CYP7B1: variants seen among roughly 807,000 people sequenced by gnomAD.
CYP7B1 encodes the protein cytochrome P450 family 7 subfamily B member 1, also known as cytochrome P450 7B1.
A neutral mutation model predicts 42.7 loss-of-function variants in CYP7B1; 29 were observed. The observed-to-expected ratio is 0.68, with a 90% CI of 0.51 to 0.93. CYP7B1 has a LOEUF of 0.93. CYP7B1 is among the 40% of genes least tolerant of loss of function. The pLI is 0.00. For synonymous variants in CYP7B1, 235 were observed against 218.2 expected (o/e 1.08, Z -0.68); for missense variants, 655 against 600.5 (o/e 1.09, Z -0.95).
chr8:64,606,399 C>T (rs545479303), intron 4 of CYP7B1, among the ~76,000 whole-genome samples: 44 of 152,310 alleles, frequency 2.9e-4, no homozygotes, highest in Middle Eastern at 3.4e-3. Context: ...AGCACAGCAT[C>T]CTTTTAGCTT....
chr8:64,670,870 T>A (rs1413839662), intron 1 of CYP7B1, among the ~76,000 whole-genome samples: 1 of 152,018 alleles, frequency 6.6e-6, no homozygotes, highest in Non-Finnish European at 1.5e-5. Context: ...GAATTCCTAG[T>A]CTTTTTTTTT....
intron 1 of CYP7B1, among the ~76,000 whole-genome samples, chr8:64,660,888 A>G (rs1015305534): frequency 5.9e-5 from 9 of 152,220 alleles, no homozygotes; most frequent in African/African-American, 2.2e-4. Context: ...TTTAGTGAGC[A>G]ATACTCTAGA....
chr8:64,794,371 G>A (rs1193280334), intron 1 of CYP7B1, among the ~76,000 whole-genome samples: 2 of 152,222 alleles, frequency 1.3e-5, no homozygotes, highest in African/African-American at 2.4e-5. Flanking sequence ...TTTAGGGTTT[G>A]AATTTCATCT....
At chr8:64,778,197 A>ATATATATATATATATG in intron 1 of CYP7B1, among the ~76,000 whole-genome samples, 1 of 147,236 alleles carries the variant, frequency 6.8e-6, no homozygotes, top group Non-Finnish European at 1.5e-5. Flanking sequence ...ATATATATAT[A>ATATATATATATATATG]TATGTATACA....
intron 1 of CYP7B1, among the ~76,000 whole-genome samples, chr8:64,788,215 G>A (rs762780788): frequency 1.3e-5 from 2 of 152,216 alleles, no homozygotes; most frequent in Non-Finnish European, 2.9e-5. Flanking sequence ...CTTCTCAATT[G>A]TAATAGATGG....
intron 1 of CYP7B1, among the ~76,000 whole-genome samples, chr8:64,743,559 A>C (rs1014910289): frequency 6.6e-6 from 1 of 151,972 alleles, no homozygotes; most frequent in African/African-American, 2.4e-5. Flanking sequence ...TCTTCCAAGA[A>C]CTGGCTCCTT....
intron 1 of CYP7B1, among the ~76,000 whole-genome samples, chr8:64,667,657 A>T (rs1806301762): frequency 1.3e-5 from 2 of 152,192 alleles, no homozygotes; most frequent in Admixed American, 6.5e-5. Flanking sequence ...ATTAGGTATC[A>T]GTTGGGTACC....
chr8:64,661,377 A>G (rs1806197654), intron 1 of CYP7B1, among the ~76,000 whole-genome samples: 1 of 152,184 alleles, frequency 6.6e-6, no homozygotes, highest in African/African-American at 2.4e-5. Flanking sequence ...GTCTTCCTGA[A>G]AGTTAGCTTC....
intron 1 of CYP7B1, among the ~76,000 whole-genome samples, chr8:64,740,334 G>T (rs1807549592): frequency 6.6e-6 from 1 of 151,876 alleles, no homozygotes; most frequent in Non-Finnish European, 1.5e-5. Flanking sequence ...GGTCAAGGAA[G>T]TACATCAGTC....
intron 1 of CYP7B1, among the ~76,000 whole-genome samples, chr8:64,642,943 T>C (rs1013278450): frequency 1.3e-5 from 2 of 151,826 alleles, no homozygotes; most frequent in African/African-American, 2.4e-5. Context: ...CTAATACACA[T>C]ACTTTGGTTC....
chr8:64,788,449 A>G (rs1207208138), intron 1 of CYP7B1, among the ~76,000 whole-genome samples: 1 of 152,120 alleles, frequency 6.6e-6, no homozygotes, highest in Non-Finnish European at 1.5e-5. Context: ...AGGTACTCTG[A>G]TATTTTTCTC....
downstream of CYP7B1, among the ~76,000 whole-genome samples, chr8:64,589,575 C>T (rs990090918): frequency 7.0e-4 from 107 of 151,960 alleles, 2 homozygotes; most frequent in Non-Finnish European, 7.9e-4. Flanking sequence ...TCATTCAAAC[C>T]TTAATTTTAA....
chr8:64,606,898 CCAGTACGAATG>C lies in CYP7B1; in HGVS notation c.1058-2052_1058-2042del, dbSNP rs1280098231. Among the ~76,000 whole-genome samples, 4 of 152,240 alleles carry C rather than the reference CCAGTACGAATG, an allele frequency of 2.6e-5. No homozygotes were observed. In the East Asian group the frequency reaches 7.7e-4, roughly 29 times the overall value. ...AAAGCGAGCAGCTTTTCCACCAGCC[CCAGTACGAATG>C]CAGGCAGAGCTATACGTTGAGAAGA... On this transcript the variant is annotated intron_variant, in intron 4 of 5. Transcript: ENST00000310193.
chr8:64,774,804 T>A (rs1276045979), intron 1 of CYP7B1, among the ~76,000 whole-genome samples: 2 of 152,208 alleles, frequency 1.3e-5, no homozygotes, highest in Admixed American at 1.3e-4. Context: ...AATAAAACAT[T>A]TCCAAAATCA....
At chr8:64,629,226 CAAAA>C (rs10717028) in intron 1 of CYP7B1, among the ~76,000 whole-genome samples, 4 of 72,530 alleles carry the variant, frequency 5.5e-5, no homozygotes, top group Non-Finnish European at 1.2e-4. Context: ...GAATCCATCT[CAAAA>C]AAAAAAAAAA....
chr8:64,743,418 C>T (rs970682319), intron 1 of CYP7B1, among the ~76,000 whole-genome samples: 2 of 152,070 alleles, frequency 1.3e-5, no homozygotes, highest in Admixed American at 1.3e-4. Context: ...TTAGGGCTGC[C>T]GTAACAAAAC....
At chr8:64,723,919 G>T (rs1392424110) in intron 1 of CYP7B1, among the ~76,000 whole-genome samples, 1 of 152,110 alleles carries the variant, frequency 6.6e-6, no homozygotes, top group Admixed American at 6.6e-5. Context: ...AATTTTTCAT[G>T]ATATACTCTT....
chr8:64,798,314 T>C (rs1203642603), intron 1 of CYP7B1, 152 bp downstream of exon 1: 5 of 1,185,218 alleles, frequency 4.2e-6, no homozygotes, highest in Non-Finnish European at 5.5e-6. Context: ...GAAGCCTTTG[T>C]TATTACAAAG....
At chr8:64,696,299 TATTG>T (rs1271884416) in intron 1 of CYP7B1, among the ~76,000 whole-genome samples, 1 of 152,216 alleles carries the variant, frequency 6.6e-6, no homozygotes, top group Non-Finnish European at 1.5e-5. Context: ...ATATTGAACT[TATTG>T]ATTATGACAA....
Sources: gnomAD v4.1 joint callset for allele counts (sites outside exome capture counted in the v4.1 genomes callset) on GRCh38, gnomAD v4.1.1 for gene constraint, MANE v1.5 for transcripts, NCBI Gene and HGNC (gene_info 2026-07-23, HGNC 2026-07-21) for gene names.